Variants in CNBD1 observed in about 807,000 individuals in gnomAD.
CNBD1 encodes cyclic nucleotide binding domain containing 1.
Under a neutral mutation model 54.4 loss-of-function variants are expected in CNBD1, and 71 were observed. That is an observed-to-expected ratio of 1.30 (90% confidence interval 1.08 to 1.59). The LOEUF (loss-of-function observed/expected upper bound fraction) is 1.59, where lower values mean the gene tolerates loss of function less well. CNBD1 is among the 40% of genes most tolerant of loss of function. CNBD1 has a pLI of 0.00. For missense variants in CNBD1, 659 were observed against 518.0 expected, an observed-to-expected ratio of 1.27 and a Z score of -2.64; for synonymous variants, 182 against 170.7, an observed-to-expected ratio of 1.07 and a Z score of -0.51.
At chr8:87,035,326 C>G (rs1182378916) in intron 4 of CNBD1, among the ~76,000 whole-genome samples, 1 of 152,092 alleles carries the variant, frequency 6.6e-6, no homozygotes, top group Non-Finnish European at 1.5e-5. Context: ...CTTACATTTC[C>G]TTTCTCATTG....
intron 4 of CNBD1, among the ~76,000 whole-genome samples, chr8:86,952,382 G>C (rs1381784258): frequency 1.3e-5 from 2 of 151,878 alleles, no homozygotes; most frequent in African/African-American, 4.8e-5. Context: ...ATTTTCTACT[G>C]TGCTTTAATT....
At chr8:87,125,862 C>T (rs1380161138) in intron 4 of CNBD1, among the ~76,000 whole-genome samples, 1 of 151,834 alleles carries the variant, frequency 6.6e-6, no homozygotes, top group Non-Finnish European at 1.5e-5. Context: ...CTAGACAAAG[C>T]CTAATCTCAT....
At chr8:87,322,577 TG>T (rs1226488545) in intron 8 of CNBD1, among the ~76,000 whole-genome samples, 1 of 112,854 alleles carries the variant, frequency 8.9e-6, no homozygotes, top group Non-Finnish European at 1.9e-5. Flanking sequence ...TTTTTTCATG[TG>T]TTTTTTGGCT....
intron 10 of CNBD1, among the ~76,000 whole-genome samples, chr8:87,381,569 C>G (rs557437721): frequency 6.6e-6 from 1 of 151,872 alleles, no homozygotes. Flanking sequence ...GAGATATTAG[C>G]AGTACCATGT....
chr8:87,090,572 A>G (rs1811184769), intron 4 of CNBD1, among the ~76,000 whole-genome samples: 1 of 152,206 alleles, frequency 6.6e-6, no homozygotes, highest in Non-Finnish European at 1.5e-5. Context: ...TAATTTTAGT[A>G]GAAGACTTGG....
At chr8:87,276,979 ATT>A (rs10583347) in intron 6 of CNBD1, among the ~76,000 whole-genome samples, 8 of 79,758 alleles carry the variant, frequency 1.0e-4, no homozygotes, top group African/African-American at 5.0e-4. Context: ...TTGAATAATT[ATT>A]TTTTTTTTTT....
At chr8:87,064,083 T>C (rs914773805) in intron 4 of CNBD1, among the ~76,000 whole-genome samples, 5 of 151,952 alleles carry the variant, frequency 3.3e-5, no homozygotes, top group Admixed American at 6.6e-5. Context: ...CTTTATACCC[T>C]TTTTCCCCTA....
At chr8:86,989,601 C>T (rs1355287627) in intron 4 of CNBD1, among the ~76,000 whole-genome samples, 1 of 152,086 alleles carries the variant, frequency 6.6e-6, no homozygotes, top group Admixed American at 6.6e-5. Flanking sequence ...CAGGCACATG[C>T]CACCATGCCC....
chr8:87,389,758 A>G (rs949237811), intron 2 of CNBD1, among the ~76,000 whole-genome samples: 1 of 152,166 alleles, frequency 6.6e-6, no homozygotes, highest in African/African-American at 2.4e-5. Context: ...ACTAAAGTTC[A>G]TATGGAACCA....
In CNBD1 at chr8:87,200,301, C is replaced by T. The variant is rs971093591; in HGVS notation, c.432-5692C>T. On this transcript the variant is annotated intron_variant, in intron 4 of 10. Coordinates refer to ENST00000518476, the MANE Select transcript of CNBD1 (RefSeq NM_173538.3). ...ACACAAAAAGCTCCATACCTAAAAA[C>T]ATCACAGTCAGTGTTCAAATTAGAA... 9.9e-5 allele frequency among the ~76,000 whole-genome samples: 15 copies of T among 152,128 alleles called. No individual in the cohort carries two copies. The East Asian group carries it at 2.1e-3, about 22-fold the overall frequency.
intron 6 of CNBD1, among the ~76,000 whole-genome samples, chr8:87,273,872 C>G (rs1288211505): frequency 2.6e-5 from 4 of 151,622 alleles, no homozygotes; most frequent in Admixed American, 2.0e-4. Context: ...GCTGCACCCA[C>G]TAACTCGTCA....
chr8:86,985,772 C>T (rs911583093), intron 4 of CNBD1, among the ~76,000 whole-genome samples: 5 of 152,158 alleles, frequency 3.3e-5, no homozygotes, highest in Admixed American at 1.3e-4. Context: ...GAGATATCTC[C>T]AAACTACATT....
chr8:87,250,791 TAGTG>T (rs1264690387), intron 6 of CNBD1, among the ~76,000 whole-genome samples: 2 of 152,070 alleles, frequency 1.3e-5, no homozygotes, highest in African/African-American at 4.8e-5. Context: ...CTCATGGAGA[TAGTG>T]AGTGGAATGA....
intron 4 of CNBD1, among the ~76,000 whole-genome samples, chr8:87,143,230 T>C (rs908446647): frequency 6.6e-6 from 1 of 152,150 alleles, no homozygotes; most frequent in Non-Finnish European, 1.5e-5. Flanking sequence ...CATATTCTTT[T>C]CTCTACAGTA....
intron 4 of CNBD1, among the ~76,000 whole-genome samples, chr8:87,014,403 C>T (rs1809309858): frequency 1.3e-5 from 2 of 151,816 alleles, no homozygotes; most frequent in East Asian, 3.9e-4. Context: ...CTTGTATATG[C>T]TTATAAAATA....
chr8:86,930,144 T>C (rs905230109), intron 3 of CNBD1, among the ~76,000 whole-genome samples: 1 of 152,186 alleles, frequency 6.6e-6, no homozygotes, highest in African/African-American at 2.4e-5. Context: ...GATCCATAGT[T>C]GGCAAAAGCC....
intron 4 of CNBD1, among the ~76,000 whole-genome samples, chr8:87,048,055 A>G (rs921011672): frequency 1.3e-5 from 2 of 152,170 alleles, no homozygotes. Context: ...TGAGTGTGAT[A>G]AATCCAAGAG....
intron 8 of CNBD1, among the ~76,000 whole-genome samples, chr8:87,299,471 TCTC>T (rs1412274704): frequency 7.2e-5 from 11 of 152,240 alleles, no homozygotes; most frequent in African/African-American, 1.7e-4. Flanking sequence ...CATTCCATCT[TCTC>T]CTCCTGTTCA....
At chr8:87,220,191 G>A (rs1814300833) in intron 5 of CNBD1, among the ~76,000 whole-genome samples, 1 of 151,852 alleles carries the variant, frequency 6.6e-6, no homozygotes, top group Non-Finnish European at 1.5e-5. Flanking sequence ...TGAATATGAT[G>A]AATTCACTTA....
Sources: gnomAD v4.1 joint callset for allele counts (sites outside exome capture counted in the v4.1 genomes callset) on GRCh38, gnomAD v4.1.1 for gene constraint, MANE v1.5 for transcripts, NCBI Gene and HGNC (gene_info 2026-07-23, HGNC 2026-07-21) for gene names.